Variants in PPP2R3B observed in about 807,000 individuals in gnomAD.
PPP2R3B encodes the protein protein phosphatase 2 regulatory subunit B''beta.
PPP2R3B carries 68 observed loss-of-function variants against 72.9 expected under a neutral mutation model. The ratio of observed to expected loss-of-function variants is 0.93; its 90% CI spans 0.77 to 1.14. The LOEUF (loss-of-function observed/expected upper bound fraction) is 1.14. Ranked by LOEUF, PPP2R3B falls within the 50% of genes most tolerant of loss-of-function variation. PPP2R3B has a pLI of 0.00. For missense variants in PPP2R3B, 1,018 were observed against 842.0 expected, an observed-to-expected ratio of 1.21 and a Z score of -2.59; for synonymous variants, 466 against 375.8, an observed-to-expected ratio of 1.24 and a Z score of -2.78.
chrX:383,090 C>T (rs1224736899), intron 1 of PPP2R3B, among the ~76,000 whole-genome samples: 4 of 152,174 alleles, frequency 2.6e-5, no homozygotes, highest in East Asian at 1.9e-4. Context: ...CCTCCTGGAT[C>T]GGGATCTGGA....
At chrX:378,760 C>G (rs986948731) in intron 1 of PPP2R3B, among the ~76,000 whole-genome samples, 1 of 152,136 alleles carries the variant, frequency 6.6e-6, no homozygotes, top group African/African-American at 2.4e-5. Context: ...GTTTTCGACA[C>G]CTTCCTTCCT....
intron 1 of PPP2R3B, among the ~76,000 whole-genome samples, chrX:379,946 G>A (rs1001679564): frequency 6.6e-6 from 1 of 152,128 alleles, no homozygotes; most frequent in African/African-American, 2.4e-5. Context: ...CAATGGGATG[G>A]AAATAATAAT....
At chrX:384,523 G>C (rs1180492943) in intron 1 of PPP2R3B, among the ~76,000 whole-genome samples, 10 of 151,938 alleles carry the variant, frequency 6.6e-5, no homozygotes, top group Non-Finnish European at 1.3e-4. Context: ...TCGAACTCCT[G>C]AACTCAAGTG....
intron 1 of PPP2R3B, among the ~76,000 whole-genome samples, chrX:371,631 C>A (rs148172633): frequency 0.091 from 13,904 of 152,134 alleles, 674 homozygotes; most frequent in Middle Eastern, 0.14. Flanking sequence ...GAAAACAGTA[C>A]CGTGCTGCCC....
In PPP2R3B at chrX:340,842, T is replaced by C. The variant is rs1197642802; in HGVS notation, c.1274A>G (p.Asp425Gly). 1.2e-6 allele frequency: 2 copies of C among 1,611,966 alleles called. No homozygotes were observed. The highest frequency in any genetic ancestry group is 1.7e-6 in the Non-Finnish European group (2 of 1,179,704). ...GGGCAGGGCCTCGATGGCCATGCTG[T>C]CCAGCCTTCGGCACTGCTCCTCGTA... ...YFYEEQCRRL[D>G]SMAIEALPFQ... is the part of the protein sequence containing the mutation. The change falls in exon 10 of 13, where the codon GAC becomes GGC. Residue 425 changes from aspartate to glycine, a missense_variant. Transcript: ENST00000390665.
At chrX:379,337 C>CTA (rs1451909370) in intron 1 of PPP2R3B, among the ~76,000 whole-genome samples, 128 of 141,046 alleles carry the variant, frequency 9.1e-4, no homozygotes, top group African/African-American at 3.6e-3. Context: ...GTGTATGCAC[C>CTA]TGTTATGCAC....
At chrX:364,756 G>A (rs1341965508) in intron 1 of PPP2R3B, among the ~76,000 whole-genome samples, 2 of 80,168 alleles carry the variant, frequency 2.5e-5, no homozygotes. Context: ...GGTGGCGCAT[G>A]CCTGTACTCC....
At chrX:341,070 G>A (rs2071057018) in intron 9 of PPP2R3B, 130 bp from the exon 10 acceptor site, 3 of 1,334,206 alleles carry the variant, frequency 2.2e-6, no homozygotes, top group South Asian at 1.4e-5. Context: ...CGGGCGTGCA[G>A]GCATCCCCTG....
At position 356,884 on chromosome X, in the gene PPP2R3B, C is replaced by CT. The variant is rs1569397894; in HGVS notation, c.510+4520_510+4521insA. On this transcript the variant is annotated intron_variant, in intron 2 of 12. Coordinates refer to ENST00000390665, the MANE Select transcript of PPP2R3B (RefSeq NM_013239.5). Reference sequence around the variant, plus strand: ...CAGCGAGCCCCACAGTATCCACACCCCGCCAGCCACACAGCGAGCCCCACG... The same window carrying CT: ...CAGCGAGCCCCACAGTATCCACACCCTCGCCAGCCACACAGCGAGCCCCACG... Among the ~76,000 whole-genome samples, 43 of 108,756 alleles carry CT rather than the reference C, an allele frequency of 4.0e-4. 1 individual carries two copies. The highest frequency in any genetic ancestry group is 5.2e-5 in the Non-Finnish European group (3 of 57,884). The allele number at this position is 108,756 out of a possible 152,430, so 71.3% of individuals were successfully genotyped here. A position where few individuals can be genotyped will look rare whatever the true frequency, so the allele number is the denominator to read the frequency against.
intron 1 of PPP2R3B, among the ~76,000 whole-genome samples, chrX:384,800 C>G (rs1338742607): frequency 4.6e-5 from 7 of 151,784 alleles, no homozygotes; most frequent in Non-Finnish European, 1.0e-4. Context: ...GTCTAGCCAA[C>G]AAGGTGAAAG....
chrX:372,787 G>A (rs1289311264), intron 1 of PPP2R3B, among the ~76,000 whole-genome samples: 1 of 152,074 alleles, frequency 6.6e-6, no homozygotes, highest in Non-Finnish European at 1.5e-5. Context: ...GTGAAACCCC[G>A]TCCCTACTAA....
intron 4 of PPP2R3B, 117 bp from the exon 5 acceptor site, chrX:346,892 G>A (rs898365758): frequency 3.0e-5 from 30 of 988,748 alleles, no homozygotes; most frequent in Non-Finnish European, 4.1e-5. Context: ...CGGTGTAGAC[G>A]CCGGCCCTCC....
At chrX:374,590 C>T (rs1013403315) in intron 1 of PPP2R3B, among the ~76,000 whole-genome samples, 5 of 152,152 alleles carry the variant, frequency 3.3e-5, no homozygotes, top group African/African-American at 1.2e-4. Flanking sequence ...GCACCTCGAT[C>T]CCACCGGGAA....
At position 361,100 on chromosome X, in the gene PPP2R3B, G is replaced by A. The variant is rs1357312911; in HGVS notation, c.510+305C>T. On this transcript the variant is annotated intron_variant, in intron 2 of 12. Transcript: ENST00000390665. ...CCACTGGCCCCGGAGGGGAGAGAAG[G>A]GGAGGGTGGCACAGGGCGGGCCTGC... Among the ~76,000 whole-genome samples, 6 of 152,306 alleles carry A rather than the reference G, an allele frequency of 3.9e-5. No homozygotes were observed. The East Asian group carries it at 9.7e-4, about 25-fold the overall frequency.
intron 1 of PPP2R3B, among the ~76,000 whole-genome samples, chrX:367,846 A>AT (rs981106636): frequency 2.8e-4 from 43 of 151,796 alleles, no homozygotes; most frequent in African/African-American, 9.7e-4. Context: ...GAGGCTACAC[A>AT]TTTTTTTTTG....
At chrX:344,944 A>C in intron 7 of PPP2R3B, 3 of 349,606 alleles carry the variant, frequency 8.6e-6, no homozygotes, top group South Asian at 6.5e-5. Context: ...AGCACACTTA[A>C]AGGAATCCTT....
chrX:364,852 C>G (rs2071669527), intron 1 of PPP2R3B, among the ~76,000 whole-genome samples: 1 of 34,728 alleles, frequency 2.9e-5, no homozygotes, highest in Non-Finnish European at 4.6e-5. Flanking sequence ...CACTGCACTC[C>G]AGCCTGGGCG....
chrX:379,433 CATATGCACCTGTGTGTGT>C (rs2072077646), intron 1 of PPP2R3B, among the ~76,000 whole-genome samples: 1 of 140,224 alleles, frequency 7.1e-6, no homozygotes, highest in Admixed American at 7.0e-5. Flanking sequence ...TGTGTTTGTG[CATATGCACCTGTGTGTGT>C]GTATGCACCT....
intron 2 of PPP2R3B, among the ~76,000 whole-genome samples, chrX:352,556 G>A (rs1333842960): frequency 6.6e-6 from 1 of 151,574 alleles, no homozygotes; most frequent in Non-Finnish European, 1.5e-5. Context: ...GCTCTGTGTG[G>A]ATCGTCTGCC....
Sources: allele counts gnomAD v4.1 joint callset (sites outside exome capture counted in the v4.1 genomes callset), GRCh38; gene constraint gnomAD v4.1.1; transcripts MANE v1.5; gene names NCBI Gene and HGNC (gene_info 2026-07-23, HGNC 2026-07-21).